BNC2: variants seen among roughly 807,000 people sequenced by gnomAD.
BNC2 encodes zinc finger protein basonuclin-2.
In BNC2, 20 loss-of-function variants were observed where a neutral mutation model predicts 76.3. The observed-to-expected ratio is 0.26, with a 90% CI of 0.18 to 0.38. BNC2 has a LOEUF of 0.38. BNC2 is among the 10% of genes least tolerant of loss of function. The pLI, the probability that BNC2 is intolerant of heterozygous loss-of-function variation, is 1.00. For missense variants in BNC2, 1,382 were observed against 1,399.8 expected (o/e 0.99, Z 0.20); for synonymous variants, 582 against 514.8 (o/e 1.13, Z -1.77).
chr9:16,603,743 C>A (rs1190449927), intron 3 of BNC2, among the ~76,000 whole-genome samples: 1 of 152,090 alleles, frequency 6.6e-6, no homozygotes, highest in Non-Finnish European at 1.5e-5. Context: ...TATCAACATC[C>A]CAAACCTGCT....
chr9:16,868,453 G>C (rs1351248712), intron 1 of BNC2, among the ~76,000 whole-genome samples: 1 of 152,102 alleles, frequency 6.6e-6, no homozygotes, highest in Non-Finnish European at 1.5e-5. Flanking sequence ...TCAGGTAGTA[G>C]GAATGTACTG....
chr9:16,856,909 T>C (rs150721853), intron 1 of BNC2, among the ~76,000 whole-genome samples: 2,086 of 152,286 alleles, frequency 0.014, 47 homozygotes, highest in African/African-American at 0.048. Flanking sequence ...GGGCAGAGAA[T>C]TGAGTGGCCT....
chr9:16,576,341 T>G (rs1021777917), intron 4 of BNC2, among the ~76,000 whole-genome samples: 1 of 152,168 alleles, frequency 6.6e-6, no homozygotes, highest in East Asian at 1.9e-4. Flanking sequence ...AGAATGAGCA[T>G]GATATCACAG....
At chr9:16,623,136 C>G (rs1820908134) in intron 3 of BNC2, among the ~76,000 whole-genome samples, 1 of 152,066 alleles carries the variant, frequency 6.6e-6, no homozygotes, top group African/African-American at 2.4e-5. Context: ...CACTGAAAGC[C>G]TTTGTTGGAA....
chr9:16,838,045 C>T (rs1471841897), intron 1 of BNC2, among the ~76,000 whole-genome samples: 3 of 152,192 alleles, frequency 2.0e-5, no homozygotes, highest in Non-Finnish European at 4.4e-5. Context: ...ATGCCAAACC[C>T]TAACAAGATC....
At chr9:16,454,704 T>G (rs931448700) in intron 5 of BNC2, among the ~76,000 whole-genome samples, 10 of 152,148 alleles carry the variant, frequency 6.6e-5, no homozygotes, top group Admixed American at 5.2e-4. Context: ...ACATCCTTAC[T>G]AAAAAATAAA....
intron 1 of BNC2, among the ~76,000 whole-genome samples, chr9:16,864,766 C>T (rs921755102): frequency 1.3e-5 from 2 of 152,036 alleles, no homozygotes; most frequent in Non-Finnish European, 2.9e-5. Context: ...GGGATGTAAC[C>T]GAGAAATCTA....
chr9:16,743,417 AC>A (rs1824907840), intron 1 of BNC2, among the ~76,000 whole-genome samples: 2 of 152,076 alleles, frequency 1.3e-5, no homozygotes, highest in South Asian at 4.2e-4. Context: ...CTGAAAGAGG[AC>A]CTTCCATTCT....
At chr9:16,574,095 CTCCTAG>C (rs140417106) in intron 4 of BNC2, among the ~76,000 whole-genome samples, 8,037 of 152,204 alleles carry the variant, frequency 0.053, 252 homozygotes, top group Middle Eastern at 0.12. Flanking sequence ...CCAGCCGAAT[CTCCTAG>C]TTTATCCTGA....
At chr9:16,607,257 A>G (rs1820412661) in intron 3 of BNC2, among the ~76,000 whole-genome samples, 1 of 152,220 alleles carries the variant, frequency 6.6e-6, no homozygotes, top group Non-Finnish European at 1.5e-5. Flanking sequence ...CAGTTTTAAA[A>G]AGGGGATTCG....
intron 5 of BNC2, among the ~76,000 whole-genome samples, chr9:16,503,671 C>T (rs1822567758): frequency 6.6e-6 from 1 of 152,118 alleles, no homozygotes. Flanking sequence ...CTAAATAAGG[C>T]ATATCTCAAC....
chr9:16,496,353 G>A lies in BNC2; in HGVS notation c.669+56177C>T, dbSNP rs1822389570. On this transcript the variant is annotated intron_variant, in intron 5 of 6. Transcript: ENST00000380672. ...GAGTCTACATTTTCTCCCTAGTCAT[G>A]ATTCTGTTTAGGACACACACAAAGA... is the stretch of plus-strand genomic sequence containing the variant. 2.0e-5 allele frequency among the ~76,000 whole-genome samples: 3 copies of A among 152,276 alleles called. 1 individual carries two copies. The South Asian group carries it at 6.2e-4, about 32-fold the overall frequency.
intron 2 of BNC2, among the ~76,000 whole-genome samples, chr9:16,734,354 G>C (rs1384778099): frequency 2.0e-5 from 3 of 152,194 alleles, no homozygotes; most frequent in Admixed American, 6.5e-5. Context: ...GCTTATAGAT[G>C]AACAAATTCA....
At chr9:16,787,002 C>T (rs896859477) in intron 1 of BNC2, among the ~76,000 whole-genome samples, 6 of 152,114 alleles carry the variant, frequency 3.9e-5, no homozygotes, top group Non-Finnish European at 7.4e-5. Context: ...AACAGTGATT[C>T]CAGGCTCCCT....
At chr9:16,750,676 T>G (rs1486224019) in intron 1 of BNC2, among the ~76,000 whole-genome samples, 1 of 152,360 alleles carries the variant, frequency 6.6e-6, no homozygotes, top group Non-Finnish European at 1.5e-5. Context: ...AATTAGACCG[T>G]AACACATTCT....
chr9:16,545,216 C>G (rs1181068052), intron 5 of BNC2, among the ~76,000 whole-genome samples: 1 of 152,158 alleles, frequency 6.6e-6, no homozygotes, highest in African/African-American at 2.4e-5. Flanking sequence ...AGGGATTCTT[C>G]TCTAAGAGGT....
At chr9:16,585,675 G>A (rs1297684543) in intron 3 of BNC2, among the ~76,000 whole-genome samples, 3 of 152,066 alleles carry the variant, frequency 2.0e-5, no homozygotes, top group Non-Finnish European at 2.9e-5. Context: ...TAGAACCAAC[G>A]TGATCACTGG....
intron 6 of BNC2, among the ~76,000 whole-genome samples, chr9:16,424,769 CT>C (rs1820773342): frequency 6.6e-6 from 1 of 152,136 alleles, no homozygotes; most frequent in Admixed American, 6.5e-5. Context: ...TGTAAACCTG[CT>C]ATCAAAATCC....
At chr9:16,424,559 C>A (rs75182310) in intron 6 of BNC2, among the ~76,000 whole-genome samples, 12,546 of 152,128 alleles carry the variant, frequency 0.082, 1,442 homozygotes, top group African/African-American at 0.26. Context: ...ACAGAATGAT[C>A]ATAACAACAT....
Sources: gnomAD v4.1 joint callset for allele counts (sites outside exome capture counted in the v4.1 genomes callset) on GRCh38, gnomAD v4.1.1 for gene constraint, MANE v1.5 for transcripts, NCBI Gene and HGNC (gene_info 2026-07-23, HGNC 2026-07-21) for gene names.